CPAP: variants seen among roughly 807,000 people sequenced by gnomAD.
The protein encoded by CPAP is centrosome assembly and centriole elongation protein, also known as centrosomal P4.1-associated protein.
the CPAP span, among the ~76,000 whole-genome samples, chr13:24,922,047 G>GC: frequency 6.6e-6 from 1 of 152,144 alleles, no homozygotes; most frequent in Non-Finnish European, 1.5e-5. Context: ...GGACACGGGT[G>GC]CACGTGTATG....
At chr13:24,885,579 G>A in the CPAP span, 2 of 1,421,284 alleles carry the variant, frequency 1.4e-6, no homozygotes, top group African/African-American at 2.8e-5. Context: ...ATGTATGTTT[G>A]AAGAATATAT....
the CPAP span, chr13:24,885,783 A>T: frequency 1.3e-6 from 1 of 765,890 alleles, no homozygotes; most frequent in Non-Finnish European, 2.3e-6. Flanking sequence ...TTTATCCATT[A>T]GTTAAGGATG....
chr13:24,890,059 T>C, the CPAP span, among the ~76,000 whole-genome samples: 1 of 152,206 alleles, frequency 6.6e-6, no homozygotes, highest in Non-Finnish European at 1.5e-5. Flanking sequence ...CAAAGCATTC[T>C]ACTTACAAAG....
the CPAP span, among the ~76,000 whole-genome samples, chr13:24,921,965 G>T: frequency 6.6e-6 from 1 of 152,108 alleles, no homozygotes; most frequent in East Asian, 1.9e-4. Flanking sequence ...TTGGTAAAGG[G>T]AGCATTGATA....
chr13:24,892,900 A>G, the CPAP span: 6 of 1,373,038 alleles, frequency 4.4e-6, no homozygotes, highest in Non-Finnish European at 6.2e-6. Context: ...AGAAAAAACC[A>G]TTACTACATT....
At chr13:24,912,759 CTG>C in the CPAP span, 2 of 1,614,130 alleles carry the variant, frequency 1.2e-6, no homozygotes, top group Non-Finnish European at 1.7e-6. Context: ...ATTTATCTGA[CTG>C]TGGTTTGTAA....
the CPAP span, among the ~76,000 whole-genome samples, chr13:24,893,982 G>A: frequency 5.3e-5 from 8 of 152,076 alleles, no homozygotes; most frequent in Admixed American, 2.6e-4. Context: ...GTAAGGTGGC[G>A]GGGCTGTGTG....
At chr13:24,907,851 C>A in the CPAP span, among the ~76,000 whole-genome samples, 1 of 152,210 alleles carries the variant, frequency 6.6e-6, no homozygotes, top group Non-Finnish European at 1.5e-5. Flanking sequence ...ATCTCCTCAA[C>A]CTCTTTTGTT....
At chr13:24,917,640 T>G in the CPAP span, among the ~76,000 whole-genome samples, 1 of 152,212 alleles carries the variant, frequency 6.6e-6, no homozygotes. Flanking sequence ...TCTGAATAGT[T>G]TATGAAAACA....
the CPAP span, chr13:24,884,590 T>C: frequency 2.2e-6 from 2 of 923,732 alleles, no homozygotes; most frequent in East Asian, 5.1e-5. Flanking sequence ...AAAAGATCCT[T>C]TATTTCGTGA....
At chr13:24,900,005 T>G in the CPAP span, among the ~76,000 whole-genome samples, 10 of 151,654 alleles carry the variant, frequency 6.6e-5, no homozygotes, top group East Asian at 1.9e-3. Flanking sequence ...TACATTCTAT[T>G]GGAAGACAGA....
At chr13:24,892,370 T>C in the CPAP span, among the ~76,000 whole-genome samples, 1 of 152,188 alleles carries the variant, frequency 6.6e-6, no homozygotes, top group Non-Finnish European at 1.5e-5. Flanking sequence ...TGTGGTAAAA[T>C]AGATATCACA....
chr13:24,883,517 A>G, the CPAP span: 3 of 632,978 alleles, frequency 4.7e-6, no homozygotes, highest in African/African-American at 3.7e-5. Flanking sequence ...AACTTTCTAC[A>G]GTGTTTCTGC....
chr13:24,885,349 A>C, the CPAP span: 1 of 1,613,986 alleles, frequency 6.2e-7, no homozygotes, highest in Non-Finnish European at 8.5e-7. Flanking sequence ...AGGATCTGGG[A>C]AGTTCAGTGG....
the CPAP span, chr13:24,889,348 T>C: frequency 6.2e-7 from 1 of 1,612,402 alleles, no homozygotes; most frequent in Non-Finnish European, 8.5e-7. Context: ...CTTGTATTTT[T>C]CTACCTGGGT....
At chr13:24,906,625 T>C in the CPAP span, 1 of 1,614,250 alleles carries the variant, frequency 6.2e-7, no homozygotes, top group African/African-American at 1.3e-5. Flanking sequence ...TTTTCAATCC[T>C]GACGGAGAAA....
the CPAP span, chr13:24,905,573 G>GGGTA: frequency 6.2e-7 from 1 of 1,614,086 alleles, no homozygotes; most frequent in Non-Finnish European, 8.5e-7. Context: ...GCATGTCTGC[G>GGGTA]GCGTCCCATA....
the CPAP span, among the ~76,000 whole-genome samples, chr13:24,926,214 T>G: frequency 1.3e-5 from 2 of 152,168 alleles, no homozygotes; most frequent in African/African-American, 4.8e-5. Context: ...TGGTGCCCAC[T>G]CAGGATTTCC....
chr13:24,932,846 G>A, the CPAP span, among the ~76,000 whole-genome samples: 1 of 152,154 alleles, frequency 6.6e-6, no homozygotes, highest in Non-Finnish European at 1.5e-5. Context: ...CATGTTGCAA[G>A]CTATGATATT....
Sources: gnomAD v4.1 joint callset for allele counts (sites outside exome capture counted in the v4.1 genomes callset) on GRCh38, gnomAD v4.1.1 for gene constraint, MANE v1.5 for transcripts, NCBI Gene and HGNC (gene_info 2026-07-23, HGNC 2026-07-21) for gene names.